The following PATJ variants were observed in gnomAD, a reference collection of about 807,000 sequenced individuals.
The protein encoded by PATJ is inaD-like protein.
A neutral mutation model predicts 224.9 loss-of-function variants in PATJ; 190 were observed. The ratio of observed to expected loss-of-function variants is 0.84; its 90% CI spans 0.75 to 0.95. PATJ has a LOEUF of 0.95. Ranked by LOEUF, PATJ falls within the 40% of genes least tolerant of loss-of-function variation. The pLI is 0.00. For synonymous variants in PATJ, 769 were observed against 820.3 expected (o/e 0.94, Z 1.07); for missense variants, 2,121 against 2,270.3 (o/e 0.93, Z 1.34).
chr1:61,997,989 T>TATATATATAATATATTATATATATTAA (rs1558014398), intron 28 of PATJ, among the ~76,000 whole-genome samples: 1,104 of 108,732 alleles, frequency 0.01, 32 homozygotes, highest in Non-Finnish European at 0.016. Flanking sequence ...AGCTTATATA[T>TATATATATAATATATTATATATATTAA]GTATATATAA....
intron 20 of PATJ, among the ~76,000 whole-genome samples, chr1:61,869,724 T>C (rs1160917418): frequency 6.6e-6 from 1 of 152,020 alleles, no homozygotes; most frequent in East Asian, 1.9e-4. Flanking sequence ...AGTGTGTGAG[T>C]GAACAAGGTG....
chr1:61,805,579 C>T, intron 13 of PATJ, 55 bp downstream of exon 13: 1 of 1,069,974 alleles, frequency 9.3e-7, no homozygotes, highest in Non-Finnish European at 1.4e-6. Flanking sequence ...CATCAAGTTT[C>T]TAACAGTACG....
chr1:62,019,218 C>A (rs1570094244), intron 29 of PATJ, among the ~76,000 whole-genome samples: 1 of 148,182 alleles, frequency 6.7e-6, no homozygotes, highest in South Asian at 2.2e-4. Context: ...GCACTCCAGC[C>A]TGGACGACAG....
intron 27 of PATJ, among the ~76,000 whole-genome samples, chr1:61,984,827 TC>T (rs1644657489): frequency 6.6e-6 from 1 of 152,054 alleles, no homozygotes; most frequent in Admixed American, 6.5e-5. Context: ...AATGCTCTTA[TC>T]TCTCTGAATT....
At chr1:61,793,722 CAAAA>C (rs34149615) in intron 9 of PATJ, among the ~76,000 whole-genome samples, 8 of 73,686 alleles carry the variant, frequency 1.1e-4, no homozygotes, top group South Asian at 5.1e-4. Flanking sequence ...GATCCTGTTT[CAAAA>C]AAAAAAAAAA....
At chr1:61,803,209 T>A (rs1018212426) in intron 12 of PATJ, among the ~76,000 whole-genome samples, 13 of 152,188 alleles carry the variant, frequency 8.5e-5, no homozygotes, top group African/African-American at 3.1e-4. Context: ...ATAACAATAC[T>A]CCTCTATTAT....
chr1:62,116,608 G>A lies in PATJ; in HGVS notation c.4732G>A (p.Asp1578Asn), dbSNP rs1664471461. The change falls in exon 36 of 44, where the codon GAT (aspartate) becomes AAT (asparagine). Residue 1578 changes from aspartate to asparagine, a missense_variant. By Grantham distance (23) the Asp-to-Asn change is conservative. Transcript: ENST00000642238. ...CCTGGATGGGAGATTGATTCAGGGAGATCAGATCTTATCTGTGAATGGGGA... is the reference window on the plus strand; with the variant it reads ...CCTGGATGGGAGATTGATTCAGGGAAATCAGATCTTATCTGTGAATGGGGA... The part of the protein sequence containing the change: ...ADLDGRLIQG[D>N]QILSVNGEDM... 2.5e-6 allele frequency: 4 copies of A among 1,613,902 alleles called. No homozygotes were observed. The highest frequency in any genetic ancestry group is 1.1e-5 in the South Asian group (1 of 91,072).
chr1:62,049,630 T>C (rs574114774), intron 30 of PATJ, among the ~76,000 whole-genome samples: 1 of 152,366 alleles, frequency 6.6e-6, no homozygotes, highest in South Asian at 2.1e-4. Context: ...TTCTAGTTAG[T>C]TAACTATAAC....
intron 1 of PATJ, among the ~76,000 whole-genome samples, chr1:61,746,913 T>A (rs1039915606): frequency 1.5e-4 from 23 of 152,234 alleles, no homozygotes; most frequent in African/African-American, 5.3e-4. Context: ...TGAATTCACA[T>A]TTAGAACCTT....
chr1:62,024,992 C>G (rs982628768), intron 29 of PATJ, among the ~76,000 whole-genome samples: 20 of 152,288 alleles, frequency 1.3e-4, no homozygotes, highest in Admixed American at 1.3e-4. Context: ...CCAACTGTCC[C>G]AAGCCTGATC....
chr1:61,989,750 C>G (rs1644958182), intron 27 of PATJ, among the ~76,000 whole-genome samples: 1 of 152,132 alleles, frequency 6.6e-6, no homozygotes, highest in South Asian at 2.1e-4. Context: ...AAGTCTAGGC[C>G]AGTGTGAACC....
In PATJ at chr1:61,849,049, A is replaced by G. The variant is rs550477234; in HGVS notation, c.2113-6981A>G. Among the ~76,000 whole-genome samples, 292 of 152,354 alleles carry G rather than the reference A, an allele frequency of 1.9e-3. 1 individual carries two copies. The highest frequency in any genetic ancestry group is 2.8e-3 in the Non-Finnish European group (193 of 68,034). Reference sequence around the variant, plus strand: ...TTCTCTTACTGAAATAAAAATACATATCTGTGGAATGAAGCTGAAAGCCTA... The same window carrying G: ...TTCTCTTACTGAAATAAAAATACATGTCTGTGGAATGAAGCTGAAAGCCTA... On this transcript the variant is annotated intron_variant, in intron 17 of 43. Coordinates refer to ENST00000642238, the MANE Select transcript of PATJ (RefSeq NM_001350145.3).
rs1303503151 is a variant in PATJ at position 61,948,995 on chromosome 1, G to A, written c.3670+21166G>A. On this transcript the variant is annotated intron_variant, in intron 27 of 43. Transcript: ENST00000642238. Reference sequence around the variant, plus strand: ...AACCAAACACTGCATGTTCTCACTCGTAGGTGGGAATTGAACAGTGAGAAC... The same window carrying A: ...AACCAAACACTGCATGTTCTCACTCATAGGTGGGAATTGAACAGTGAGAAC... Among the ~76,000 whole-genome samples the A allele has an allele frequency of 4.0e-5, 6 of 150,700 alleles. No individual in the cohort carries two copies. In the South Asian group the frequency reaches 6.4e-4, roughly 16 times the overall value.
chr1:61,940,401 T>A (rs1204329873), intron 27 of PATJ, among the ~76,000 whole-genome samples: 1 of 152,112 alleles, frequency 6.6e-6, no homozygotes, highest in East Asian at 1.9e-4. Context: ...TTCTTCAATG[T>A]GTGCCACATA....
At chr1:61,902,298 G>C (rs773202342) in intron 24 of PATJ, among the ~76,000 whole-genome samples, 1 of 151,232 alleles carries the variant, frequency 6.6e-6, no homozygotes, top group Non-Finnish European at 1.5e-5. Context: ...TCTTTGCATT[G>C]GGTTAATTGG....
chr1:62,012,939 G>A (rs939756936), intron 28 of PATJ, among the ~76,000 whole-genome samples: 1 of 152,166 alleles, frequency 6.6e-6, no homozygotes, highest in African/African-American at 2.4e-5. Context: ...TGGGTTTCTT[G>A]CTCTGTTCCC....
chr1:61,807,942 A>G (rs1222916120), intron 13 of PATJ, among the ~76,000 whole-genome samples: 1 of 152,212 alleles, frequency 6.6e-6, no homozygotes. Flanking sequence ...TAAGTATTCC[A>G]TGAGCTTTCC....
At chr1:61,876,459 TA>T (rs576696436) in intron 21 of PATJ, among the ~76,000 whole-genome samples, 263 of 151,736 alleles carry the variant, frequency 1.7e-3, no homozygotes, top group African/African-American at 6.0e-3. Context: ...AATGTTTGAG[TA>T]AATGAATAAA....
intron 27 of PATJ, among the ~76,000 whole-genome samples, chr1:61,980,503 A>G (rs1293232836): frequency 1.3e-5 from 2 of 151,368 alleles, no homozygotes; most frequent in African/African-American, 4.9e-5. Context: ...TATAGTAAAC[A>G]AAGTATGGGT....
Sources: gnomAD v4.1 joint callset for allele counts (sites outside exome capture counted in the v4.1 genomes callset) on GRCh38, gnomAD v4.1.1 for gene constraint, MANE v1.5 for transcripts, NCBI Gene and HGNC (gene_info 2026-07-23, HGNC 2026-07-21) for gene names.